Variants in EPHB1 observed in about 807,000 individuals in gnomAD.
EPHB1 encodes EPH receptor B1.
A neutral mutation model predicts 94.4 loss-of-function variants in EPHB1; 30 were observed. The observed-to-expected ratio is 0.32, with a 90% CI of 0.24 to 0.43. EPHB1 has a LOEUF of 0.43. Ranked by LOEUF, EPHB1 falls within the 20% of genes least tolerant of loss-of-function variation. The pLI is 1.00. For missense variants in EPHB1, 1,055 were observed against 1,308.3 expected (o/e 0.81, Z 2.99); for synonymous variants, 522 against 489.1 (o/e 1.07, Z -0.89).
chr3:134,886,317 CCAGT>C lies in EPHB1; in HGVS notation c.59-39496_59-39493del, dbSNP rs139839673. ...AATATCTTTTGAACACTTACTCTGG[CCAGT>C]CATTCTCTACGTGCTTGACAGGAAG... On this transcript the variant is annotated intron_variant, in intron 1 of 15. Transcript: ENST00000398015. Among the ~76,000 whole-genome samples, 612 of 152,300 alleles carry C rather than the reference CCAGT, an allele frequency of 4.0e-3. 2 individuals are homozygous for C. The highest frequency in any genetic ancestry group is 0.014 in the African/African-American group (588 of 41,566).
intron 3 of EPHB1, among the ~76,000 whole-genome samples, chr3:135,061,435 G>A (rs891625346): frequency 7.6e-6 from 1 of 131,152 alleles, no homozygotes; most frequent in Non-Finnish European, 1.5e-5. Context: ...TCATGGCTTA[G>A]CTCCCACTTA....
intron 3 of EPHB1, among the ~76,000 whole-genome samples, chr3:135,031,267 T>C (rs2107760547): frequency 6.6e-6 from 1 of 152,220 alleles, no homozygotes; most frequent in Middle Eastern, 3.4e-3. Flanking sequence ...TTACAAAGAA[T>C]CCCTTCTCTC....
chr3:135,052,062 T>C (rs979721636), intron 3 of EPHB1, among the ~76,000 whole-genome samples: 13 of 152,248 alleles, frequency 8.5e-5, no homozygotes, highest in Non-Finnish European at 4.4e-5. Context: ...TTTGTCAGTA[T>C]AATGTTAATC....
chr3:135,221,787 T>C (rs749397317), intron 12 of EPHB1, among the ~76,000 whole-genome samples: 64 of 152,204 alleles, frequency 4.2e-4, no homozygotes, highest in Non-Finnish European at 6.2e-4. Context: ...GACATATTGT[T>C]TTGAAATTCT....
At chr3:134,974,514 AT>A (rs1322471476) in intron 3 of EPHB1, among the ~76,000 whole-genome samples, 1 of 152,202 alleles carries the variant, frequency 6.6e-6, no homozygotes, top group Non-Finnish European at 1.5e-5. Context: ...TTCAGTATGT[AT>A]TAGCTGTTAT....
intron 6 of EPHB1, among the ~76,000 whole-genome samples, chr3:135,161,165 GAA>G (rs1941494075): frequency 6.6e-6 from 1 of 152,176 alleles, no homozygotes; most frequent in Non-Finnish European, 1.5e-5. Flanking sequence ...CTCACGATGA[GAA>G]AAAGAGTCAT....
chr3:135,222,942 C>G (rs1943306666), intron 12 of EPHB1, among the ~76,000 whole-genome samples: 1 of 152,150 alleles, frequency 6.6e-6, no homozygotes, highest in Non-Finnish European at 1.5e-5. Flanking sequence ...TCCCCATAGG[C>G]TCTGTTATTT....
chr3:134,987,291 GTGTTGGGCCCTAAAGCCC>G (rs1413234280), intron 3 of EPHB1, among the ~76,000 whole-genome samples: 1 of 152,172 alleles, frequency 6.6e-6, no homozygotes, highest in African/African-American at 2.4e-5. Flanking sequence ...TAAAATTCCT[GTGTTGGGCCCTAAAGCCC>G]TGTAGGGCCT....
intron 3 of EPHB1, among the ~76,000 whole-genome samples, chr3:134,976,509 G>A (rs1022130020): frequency 6.6e-6 from 1 of 152,212 alleles, no homozygotes; most frequent in Non-Finnish European, 1.5e-5. Context: ...TCGCAGGACA[G>A]TTTGTCTTGT....
chr3:134,868,367 A>G (rs1415041102), intron 1 of EPHB1, among the ~76,000 whole-genome samples: 3 of 152,242 alleles, frequency 2.0e-5, no homozygotes, highest in Non-Finnish European at 1.5e-5. Flanking sequence ...TCATTACCAC[A>G]GGGTAGTTTG....
intron 3 of EPHB1, among the ~76,000 whole-genome samples, chr3:135,020,859 A>C (rs1490738128): frequency 6.6e-6 from 1 of 152,172 alleles, no homozygotes; most frequent in East Asian, 1.9e-4. Flanking sequence ...TCTTCAATCT[A>C]CCTGGAATGT....
intron 3 of EPHB1, among the ~76,000 whole-genome samples, chr3:135,023,710 T>C (rs1483860619): frequency 2.0e-5 from 3 of 152,250 alleles, no homozygotes; most frequent in Admixed American, 1.3e-4. Context: ...TGGAAATCCC[T>C]GAAGGTTCTA....
intron 4 of EPHB1, among the ~76,000 whole-genome samples, chr3:135,123,982 C>T (rs1940090987): frequency 1.3e-5 from 2 of 151,640 alleles, no homozygotes; most frequent in South Asian, 4.1e-4. Flanking sequence ...GCTCAGAGCC[C>T]TCCTTACAGT....
intron 4 of EPHB1, among the ~76,000 whole-genome samples, chr3:135,119,659 C>G (rs1441417136): frequency 6.6e-6 from 1 of 152,062 alleles, no homozygotes. Context: ...GCCATGTTGG[C>G]CAGACCGGTC....
intron 10 of EPHB1, among the ~76,000 whole-genome samples, chr3:135,189,490 A>G (rs1479314874): frequency 1.3e-5 from 2 of 152,222 alleles, no homozygotes; most frequent in Admixed American, 1.3e-4. Context: ...CTGCTGTTAC[A>G]GTATTGAAAT....
chr3:134,952,166 A>G lies in EPHB1; in HGVS notation c.805+114A>G, dbSNP rs192716937. 3.4e-6 allele frequency: 4 copies of G among 1,167,208 alleles called. No individual in the cohort carries two copies. In the East Asian group the frequency reaches 9.5e-5, roughly 28 times the overall value. The allele number at this position is 1,167,208 out of a possible 1,614,324, so 72.3% of individuals were successfully genotyped here. On this transcript the variant is annotated intron_variant, in intron 3 of 15. Transcript: ENST00000398015. ...ACAGAAAATAGTCTAATGGCTTATTATAAAGCTCTGAGGACTCCCATTCCT... is the reference window on the plus strand; with the variant it reads ...ACAGAAAATAGTCTAATGGCTTATTGTAAAGCTCTGAGGACTCCCATTCCT...
intron 1 of EPHB1, among the ~76,000 whole-genome samples, chr3:134,908,240 A>G (rs2107692996): frequency 6.6e-6 from 1 of 152,334 alleles, no homozygotes; most frequent in South Asian, 2.1e-4. Context: ...TAGAGGCTTC[A>G]GTGTGTCGGC....
chr3:134,835,671 C>T (rs774389299), intron 1 of EPHB1, among the ~76,000 whole-genome samples: 2 of 152,172 alleles, frequency 1.3e-5, no homozygotes, highest in Admixed American at 6.5e-5. Flanking sequence ...CCAGGTGGGA[C>T]ATACATTGGA....
chr3:134,861,404 T>C (rs1248565078), intron 1 of EPHB1, among the ~76,000 whole-genome samples: 3 of 152,022 alleles, frequency 2.0e-5, no homozygotes, highest in Admixed American at 1.3e-4. Context: ...ACTCCACATT[T>C]TGGGGGATGA....
Sources: gnomAD v4.1 joint callset for allele counts (sites outside exome capture counted in the v4.1 genomes callset) on GRCh38, gnomAD v4.1.1 for gene constraint, MANE v1.5 for transcripts, NCBI Gene and HGNC (gene_info 2026-07-23, HGNC 2026-07-21) for gene names.